Variants in GRIA1 observed in about 807,000 individuals in gnomAD.
GRIA1 encodes the protein glutamate ionotropic receptor AMPA type subunit 1, also known as glutamate receptor 1.
A neutral mutation model predicts 99.2 loss-of-function variants in GRIA1; 31 were observed. That is an observed-to-expected ratio of 0.31 (90% CI 0.23 to 0.42). The LOEUF (loss-of-function observed/expected upper bound fraction) is 0.42. GRIA1 is among the 10% of genes least tolerant of loss of function. The pLI, the probability that GRIA1 is intolerant of heterozygous loss-of-function variation, is 1.00. For synonymous variants in GRIA1, 438 were observed against 432.4 expected (o/e 1.01, Z -0.16); for missense variants, 782 against 1,157.5 (o/e 0.68, Z 4.71).
intron 2 of GRIA1, among the ~76,000 whole-genome samples, chr5:153,556,243 G>A (rs7731586): frequency 8.6e-5 from 13 of 151,854 alleles, no homozygotes; most frequent in African/African-American, 3.1e-4. Context: ...GTGTGGGGGC[G>A]AAAGTTGGTC....
chr5:153,711,951 A>G (rs1759342457), intron 11 of GRIA1, among the ~76,000 whole-genome samples: 1 of 152,196 alleles, frequency 6.6e-6, no homozygotes, highest in African/African-American at 2.4e-5. Context: ...TAGTGGAGAT[A>G]ATTACTCTCA....
Position 153,705,817 on chromosome 5 carries a change from A to G in GRIA1, c.1573A>G (p.Lys525Glu), listed in dbSNP as rs1758851862. Residue 525 changes from lysine to glutamate, a missense_variant, in exon 11 of 16, where the codon AAG becomes GAG. Physicochemically the swap from Lys to Glu is moderately conservative, Grantham distance 56. Around this residue, in one of 5 missense-constraint regions of GRIA1, gnomAD observed 87 missense variants for 184.5 expected, o/e 0.47. Coordinates refer to ENST00000285900, the MANE Select transcript of GRIA1 (RefSeq NM_000827.4). ...CATGATTAAAAAACCACAGAAATCC[A>G]AGCCGGGTGTCTTCTCCTTCCTTGA... ...SIMIKKPQKS[K>E]PGVFSFLDPL... The G allele has an allele frequency of 6.2e-7, 1 of 1,613,942 alleles. No homozygotes were observed. Among genetic ancestry groups the G allele is most frequent in the Admixed American group, 1.7e-5 (1 of 59,996 alleles).
intron 2 of GRIA1, among the ~76,000 whole-genome samples, chr5:153,600,391 CAAAAAAAAAAAAAA>C (rs57395601): frequency 1.9e-5 from 1 of 51,490 alleles, no homozygotes; most frequent in Non-Finnish European, 3.2e-5. Flanking sequence ...GACTCCATCT[CAAAAAAAAAAAAAA>C]AAAAAAAAAA....
chr5:153,677,946 A>G (rs982011640), intron 7 of GRIA1, among the ~76,000 whole-genome samples: 1 of 152,188 alleles, frequency 6.6e-6, no homozygotes, highest in Non-Finnish European at 1.5e-5. Context: ...GAATAGCACT[A>G]TATTTTTGTT....
chr5:153,660,766 G>A (rs1581421781), intron 5 of GRIA1, among the ~76,000 whole-genome samples: 1 of 152,138 alleles, frequency 6.6e-6, no homozygotes, highest in Non-Finnish European at 1.5e-5. Flanking sequence ...CACCACAGAG[G>A]TCCACAGGTC....
chr5:153,506,581 A>G (rs535947122), intron 2 of GRIA1, among the ~76,000 whole-genome samples: 2 of 152,198 alleles, frequency 1.3e-5, no homozygotes, highest in African/African-American at 2.4e-5. Flanking sequence ...GATAAGCTCC[A>G]GCATCCCTAA....
chr5:153,633,363 A>G (rs1753114338), intron 2 of GRIA1, among the ~76,000 whole-genome samples: 1 of 152,192 alleles, frequency 6.6e-6, no homozygotes, highest in Non-Finnish European at 1.5e-5. Context: ...GATAGTGAGA[A>G]ATGCCTTTTT....
chr5:153,759,981 T>C (rs1581609421), intron 11 of GRIA1, among the ~76,000 whole-genome samples: 1 of 152,100 alleles, frequency 6.6e-6, no homozygotes, highest in Non-Finnish European at 1.5e-5. Context: ...AAAAAGCATT[T>C]AATAAAATTC....
intron 8 of GRIA1, among the ~76,000 whole-genome samples, chr5:153,689,371 G>C (rs1757575545): frequency 6.6e-6 from 1 of 152,122 alleles, no homozygotes; most frequent in Non-Finnish European, 1.5e-5. Context: ...TTGCTCTCAG[G>C]GAAAAAAGAA....
At chr5:153,762,503 G>A (rs1435698122) in intron 11 of GRIA1, among the ~76,000 whole-genome samples, 1 of 152,182 alleles carries the variant, frequency 6.6e-6, no homozygotes, top group Non-Finnish European at 1.5e-5. Flanking sequence ...TGGTTCTGGG[G>A]CACTGGGGGA....
At chr5:153,637,995 A>G (rs1753504125) in intron 2 of GRIA1, among the ~76,000 whole-genome samples, 1 of 152,240 alleles carries the variant, frequency 6.6e-6, no homozygotes, top group Non-Finnish European at 1.5e-5. Flanking sequence ...TAAATACACA[A>G]AAAGTTACTT....
intron 2 of GRIA1, among the ~76,000 whole-genome samples, chr5:153,590,450 T>C (rs918964883): frequency 1.3e-5 from 2 of 151,192 alleles, no homozygotes; most frequent in African/African-American, 4.9e-5. Flanking sequence ...ACCGCCAGAG[T>C]CCTGTGAGTA....
intron 2 of GRIA1, among the ~76,000 whole-genome samples, chr5:153,638,386 T>C (rs1390852014): frequency 6.6e-6 from 1 of 152,244 alleles, no homozygotes; most frequent in Non-Finnish European, 1.5e-5. Flanking sequence ...TGGGCTCTAA[T>C]TTATGAAATA....
intron 4 of GRIA1, among the ~76,000 whole-genome samples, chr5:153,652,148 G>A (rs1754620334): frequency 6.6e-6 from 1 of 152,160 alleles, no homozygotes. Context: ...AGCTTCTTGA[G>A]TCACTTTCTT....
chr5:153,676,692 T>C (rs1372450443), intron 6 of GRIA1, among the ~76,000 whole-genome samples: 2 of 152,144 alleles, frequency 1.3e-5, no homozygotes, highest in Non-Finnish European at 2.9e-5. Flanking sequence ...AATTGCAAGA[T>C]TGCACACAGA....
rs1272404383 is a variant in GRIA1 at position 153,764,588 on chromosome 5, G to T, written c.1978G>T (p.Ala660Ser). The change falls in exon 12 of 16, where the codon GCC (alanine) becomes TCC (serine). Residue 660 changes from alanine to serine, a missense_variant. Physicochemically the swap from Ala to Ser is moderately conservative, Grantham distance 99 (BLOSUM62 1). Coordinates refer to ENST00000285900, the MANE Select transcript of GRIA1 (RefSeq NM_000827.4). ...AEDLAKQTEI[A>S]YGTLEAGSTK... The stretch of plus-strand genomic sequence containing the variant: ...GGACCTAGCGAAGCAGACAGAAATT[G>T]CCTACGGGACGCTGGAAGCAGGATC... 1.2e-6 allele frequency: 2 copies of T among 1,614,120 alleles called. No individual in the cohort carries two copies. The highest frequency in any genetic ancestry group is 2.2e-5 in the East Asian group (1 of 44,860).
chr5:153,807,288 G>A (rs1361154571), intron 15 of GRIA1, among the ~76,000 whole-genome samples: 2 of 152,200 alleles, frequency 1.3e-5, no homozygotes, highest in Admixed American at 6.5e-5. Flanking sequence ...ATACAGTCAA[G>A]AACAAAACAG....
intron 2 of GRIA1, among the ~76,000 whole-genome samples, chr5:153,644,690 G>T (rs959960412): frequency 6.6e-6 from 1 of 151,972 alleles, no homozygotes; most frequent in Admixed American, 6.6e-5. Flanking sequence ...GACTGATGAG[G>T]GGTCACTATT....
intron 2 of GRIA1, among the ~76,000 whole-genome samples, chr5:153,590,147 T>C (rs755227777): frequency 6.6e-6 from 1 of 152,206 alleles, no homozygotes; most frequent in Non-Finnish European, 1.5e-5. Context: ...AGTATCATTA[T>C]AGTAAATATA....
Sources: gnomAD v4.1 joint callset for allele counts (sites outside exome capture counted in the v4.1 genomes callset) on GRCh38, gnomAD v4.1.1 for gene constraint, gnomAD v4.1.1 regional missense constraint, MANE v1.5 for transcripts, NCBI Gene and HGNC (gene_info 2026-07-23, HGNC 2026-07-21) for gene names.